Variants in RNFT2 observed in about 807,000 individuals in gnomAD.
RNFT2 encodes the protein E3 ubiquitin-protein ligase RNFT2.
In RNFT2, 36 loss-of-function variants were observed where a neutral mutation model predicts 53.0. The ratio of observed to expected loss-of-function variants is 0.68; its 90% confidence interval spans 0.52 to 0.90. The LOEUF is 0.90. Ranked by LOEUF, RNFT2 falls within the 40% of genes least tolerant of loss-of-function variation. The pLI, the probability that RNFT2 is intolerant of heterozygous loss-of-function variation, is 0.00. For missense variants in RNFT2, 514 were observed against 585.6 expected (o/e 0.88, Z 1.26); for synonymous variants, 260 against 253.2 (o/e 1.03, Z -0.26).
intron 3 of RNFT2, 83 bp downstream of exon 3, chr12:116,741,177 C>G (rs1318542893): frequency 1.9e-6 from 2 of 1,058,812 alleles, no homozygotes; most frequent in African/African-American, 3.1e-5. Context: ...TGAACAATAC[C>G]TCACCCTCAG....
chr12:116,808,295 G>A (rs1875184482), intron 7 of RNFT2, among the ~76,000 whole-genome samples: 1 of 152,030 alleles, frequency 6.6e-6, no homozygotes, highest in Non-Finnish European at 1.5e-5. Flanking sequence ...TTGCTGCATT[G>A]CCCAGGCTGG....
Position 116,850,339 on chromosome 12 carries a change from T to C in RNFT2, c.*891T>C, listed in dbSNP as rs975925702. 2 of 151,166 alleles carry C rather than the reference T, an allele frequency of 1.3e-5. No individual in the cohort carries two copies. Among genetic ancestry groups the C allele is most frequent in the Non-Finnish European group, 2.9e-5 (2 of 67,882 alleles). The allele number at this position is 151,166 out of a possible 1,614,324, so 9.4% of individuals were successfully genotyped here. On this transcript the variant is annotated 3_prime_UTR_variant, in exon 11 of 11. Coordinates refer to ENST00000257575, the MANE Select transcript of RNFT2 (RefSeq NM_001382266.1). ...CTGGCTAATTTTTTTTTTTTTTTAATTTTTAGTAGAGGCGAGGACTTATTA... is the reference window on the plus strand; with the variant it reads ...CTGGCTAATTTTTTTTTTTTTTTAACTTTTAGTAGAGGCGAGGACTTATTA...
At chr12:116,797,904 C>A (rs977368704) in intron 7 of RNFT2, among the ~76,000 whole-genome samples, 12 of 152,138 alleles carry the variant, frequency 7.9e-5, no homozygotes, top group African/African-American at 2.9e-4. Context: ...TCATGGAAAG[C>A]GGTGGTAACT....
intron 10 of RNFT2, among the ~76,000 whole-genome samples, chr12:116,840,757 T>C (rs186615371): frequency 6.6e-6 from 1 of 152,344 alleles, no homozygotes; most frequent in East Asian, 1.9e-4. Flanking sequence ...GGGCAGCTTG[T>C]AGGACTTTTT....
chr12:116,807,423 T>A (rs377695876), intron 7 of RNFT2, among the ~76,000 whole-genome samples: 8 of 152,310 alleles, frequency 5.3e-5, no homozygotes, highest in African/African-American at 1.9e-4. Flanking sequence ...TTCATTAACA[T>A]GAACTCATTT....
At chr12:116,799,797 G>C (rs1187763648) in intron 7 of RNFT2, among the ~76,000 whole-genome samples, 1 of 152,086 alleles carries the variant, frequency 6.6e-6, no homozygotes, top group Non-Finnish European at 1.5e-5. Context: ...TTACAGTCCA[G>C]TGATGAAAAT....
At chr12:116,818,285 T>C (rs559507570) in intron 7 of RNFT2, among the ~76,000 whole-genome samples, 33 of 148,378 alleles carry the variant, frequency 2.2e-4, no homozygotes, top group Non-Finnish European at 4.6e-4. Flanking sequence ...ATCGCACCAC[T>C]GCACTCCAGC....
Position 116,740,474 on chromosome 12 carries a change from C to T in RNFT2, c.-24C>T, listed in dbSNP as rs1183883011. Reference sequence around the variant, plus strand: ...ATTCCCGAATGCCTACCTCCAGTGTCGTCAACATGGAGTTCTGAAGTCCAT... The same window carrying T: ...ATTCCCGAATGCCTACCTCCAGTGTTGTCAACATGGAGTTCTGAAGTCCAT... On this transcript the variant is annotated 5_prime_UTR_variant, in exon 2 of 11. Coordinates refer to ENST00000257575, the MANE Select transcript of RNFT2 (RefSeq NM_001382266.1). The T allele has an allele frequency of 5.1e-6, 8 of 1,568,170 alleles. No individual in the cohort carries two copies. The East Asian group carries it at 9.3e-5, about 18-fold the overall frequency.
Position 116,750,131 on chromosome 12 carries a change from C to T in RNFT2, c.374C>T (p.Ser125Phe). 6.3e-7 allele frequency: 1 copy of T among 1,578,418 alleles called. No individual in the cohort carries two copies. The highest frequency in any genetic ancestry group is 8.6e-7 in the Non-Finnish European group (1 of 1,168,638). The change falls in exon 4 of 11, where the codon TCC (serine) becomes TTC (phenylalanine). Residue 125 changes from serine to phenylalanine, a missense_variant. Ser to Phe is a radical substitution (Grantham distance 155, BLOSUM62 -2). Transcript: ENST00000257575. Reference protein sequence around the residue: ...HFHHGGHRGGSLLQHVGGDHR... With the variant: ...HFHHGGHRGGFLLQHVGGDHR... ...CACCATGGCGGCCACCGCGGGGGCT[C>T]CCTGCTGCAGCACGTGGGTGGGGAC...
chr12:116,807,462 C>T (rs575561354), intron 7 of RNFT2, among the ~76,000 whole-genome samples: 1 of 152,310 alleles, frequency 6.6e-6, no homozygotes, highest in South Asian at 2.1e-4. Flanking sequence ...ATGAGGTAGA[C>T]ACTCTTAATG....
intron 5 of RNFT2, among the ~76,000 whole-genome samples, chr12:116,764,894 AAAAC>A (rs764941359): frequency 5.9e-5 from 9 of 152,322 alleles, no homozygotes; most frequent in East Asian, 5.8e-4. Flanking sequence ...GTCCGTCTCA[AAAAC>A]AAACAAACAA....
chr12:116,774,774 T>TGGAGGGTGGAGGGA (rs1873351434), intron 6 of RNFT2, among the ~76,000 whole-genome samples: 1 of 104,120 alleles, frequency 9.6e-6, no homozygotes, highest in African/African-American at 4.7e-5. Flanking sequence ...AAGGTCCGGG[T>TGGAGGGTGGAGGGA]GGAGGGTGGA....
At chr12:116,767,745 A>C (rs767464992) in intron 6 of RNFT2, among the ~76,000 whole-genome samples, 31 of 151,340 alleles carry the variant, frequency 2.0e-4, no homozygotes, top group Non-Finnish European at 3.7e-4. Context: ...ACGCCCAGCG[A>C]ATTTTTGTAT....
At chr12:116,750,721 G>T (rs1484031443) in intron 4 of RNFT2, among the ~76,000 whole-genome samples, 1 of 148,566 alleles carries the variant, frequency 6.7e-6, no homozygotes, top group Non-Finnish European at 1.5e-5. Context: ...TGATTTTATA[G>T]TCTTCATGGG....
At chr12:116,785,768 G>A (rs1428184060) in intron 7 of RNFT2, among the ~76,000 whole-genome samples, 1 of 152,166 alleles carries the variant, frequency 6.6e-6, no homozygotes, top group East Asian at 1.9e-4. Context: ...AAACAGGAAA[G>A]CCAGGCATTG....
At chr12:116,840,844 T>G (rs532909843) in intron 10 of RNFT2, among the ~76,000 whole-genome samples, 1 of 152,150 alleles carries the variant, frequency 6.6e-6, no homozygotes, top group Non-Finnish European at 1.5e-5. Flanking sequence ...ATATTCAGTA[T>G]TAGTGTTTAA....
At chr12:116,745,459 G>A (rs1871853716) in intron 3 of RNFT2, among the ~76,000 whole-genome samples, 1 of 152,060 alleles carries the variant, frequency 6.6e-6, no homozygotes, top group African/African-American at 2.4e-5. Flanking sequence ...ACATGTGTGA[G>A]CCACCACACC....
At chr12:116,747,651 A>G (rs1871961258) in intron 3 of RNFT2, among the ~76,000 whole-genome samples, 1 of 152,146 alleles carries the variant, frequency 6.6e-6, no homozygotes, top group Admixed American at 6.5e-5. Flanking sequence ...GCATACATTT[A>G]TTAAGCACCT....
chr12:116,801,352 T>C (rs1407218558), intron 7 of RNFT2: 3 of 152,238 alleles, frequency 2.0e-5, no homozygotes, highest in Admixed American at 6.5e-5. Flanking sequence ...TCCCTTTCTG[T>C]TGCCAGGAAG....
Sources: allele counts gnomAD v4.1 joint callset (sites outside exome capture counted in the v4.1 genomes callset), GRCh38; gene constraint gnomAD v4.1.1; transcripts MANE v1.5; gene names NCBI Gene and HGNC (gene_info 2026-07-23, HGNC 2026-07-21).